SPEN: variants seen among roughly 807,000 people sequenced by gnomAD.
SPEN encodes the protein spen family transcriptional repressor.
SPEN carries 18 observed loss-of-function variants against 269.9 expected under a neutral mutation model. That is an observed-to-expected ratio of 0.07 (90% confidence interval 0.05 to 0.10). The LOEUF is 0.10. Among genes scored for constraint, SPEN ranks in the 10% least tolerant of loss-of-function variants. The probability of loss-of-function intolerance (pLI) is 1.00; values close to 1 mark genes in which losing one functional copy is unlikely to be tolerated. For missense variants in SPEN, 3,822 were observed against 4,631.2 expected, an observed-to-expected ratio of 0.83 and a Z score of 5.07; for synonymous variants, 1,726 against 1,765.7, an observed-to-expected ratio of 0.98 and a Z score of 0.56.
rs2070965040 is a variant in SPEN at position 15,907,168 on chromosome 1, G to T, written c.882-2153G>T. On this transcript the variant is annotated intron_variant, in intron 3 of 14. Transcript: ENST00000375759. Reference sequence around the variant, plus strand: ...CTTTAGTTTTCTATAAGAAAACATAGAACTTATTTAGTTTTAAAAAAATGC... The same window carrying T: ...CTTTAGTTTTCTATAAGAAAACATATAACTTATTTAGTTTTAAAAAAATGC... Among the ~76,000 whole-genome samples the T allele has an allele frequency of 2.0e-5, 3 of 152,042 alleles. No individual in the cohort carries two copies. In the South Asian group the frequency reaches 6.2e-4, roughly 32 times the overall value.
chr1:15,935,515 A>C lies in SPEN; in HGVS notation c.9275A>C (p.His3092Pro). 1 of 1,613,450 alleles carries C rather than the reference A, an allele frequency of 6.2e-7. No homozygotes were observed. Among genetic ancestry groups the C allele is most frequent in the Non-Finnish European group, 8.5e-7 (1 of 1,179,842 alleles). Reference sequence around the variant, plus strand: ...ATCACCCAGACTGTGTCCCTGAGCCACCTCTCCCAGGGCGAGGTGAGAATG... The same window carrying C: ...ATCACCCAGACTGTGTCCCTGAGCCCCCTCTCCCAGGGCGAGGTGAGAATG... ...HSITQTVSLS[H>P]LSQGEVRMNT... Residue 3092 changes from histidine to proline, a missense_variant, in exon 11 of 15, where the codon CAC (histidine) becomes CCC (proline). His to Pro is a moderately conservative substitution (Grantham distance 77). Around this residue, in one of 16 missense-constraint regions of SPEN, gnomAD observed 153 missense variants for 228.5 expected, o/e 0.67. Transcript: ENST00000375759. The surrounding 1 kb of genome is among the most constrained non-coding windows in gnomAD (Gnocchi z 7.7).
chr1:15,883,902 T>A (rs1486368450), intron 3 of SPEN, among the ~76,000 whole-genome samples: 1 of 149,154 alleles, frequency 6.7e-6, no homozygotes, highest in Non-Finnish European at 1.5e-5. Flanking sequence ...CTCCGCCTCC[T>A]GGGTTCACGC....
In SPEN at chr1:15,931,426, C is replaced by T; in HGVS notation, c.5186C>T (p.Pro1729Leu). 6.2e-7 allele frequency: 1 copy of T among 1,614,184 alleles called. No homozygotes were observed. Among genetic ancestry groups the T allele is most frequent in the South Asian group, 1.1e-5 (1 of 91,086 alleles). ...VEEGSSGDQPPYLDAKPPTPG... is the reference protein window; with the variant it reads ...VEEGSSGDQPLYLDAKPPTPG... ...GAAGGTTCATCAGGTGACCAGCCGC[C>T]TTATCTGGATGCCAAGCCTCCAACT... Residue 1729 changes from proline (P) to leucine (L), a missense_variant, in exon 11 of 15, where the codon CCT (proline) becomes CTT (leucine). Around this residue, in one of 16 missense-constraint regions of SPEN, gnomAD observed 533 missense variants for 618.8 expected, o/e 0.86. Coordinates refer to ENST00000375759, the MANE Select transcript of SPEN (RefSeq NM_015001.3). This position sits in a 1 kb window ranked among gnomAD's most constrained non-coding sequence, Gnocchi z 4.8.
chr1:15,925,899 C>T (rs942817700), intron 10 of SPEN, among the ~76,000 whole-genome samples: 1 of 152,110 alleles, frequency 6.6e-6, no homozygotes, highest in East Asian at 1.9e-4. Context: ...AATACATCCT[C>T]AAAGTATGTA....
In SPEN at chr1:15,848,109, C is replaced by T. The variant is rs1297075381; in HGVS notation, c.42C>T (p.Pro14=). ...GGCATCTCTGGGTGGGCAACTTACC[C>T]GAGAACGTGCGGGAAGAGAAGATCA... is the stretch of plus-strand genomic sequence containing the variant. ...ETRHLWVGNL[P]ENVREEKIIE... is the part of the protein sequence containing the mutation. The change falls in exon 1 of 15, where the codon CCC becomes CCT. Residue 14 remains proline, a synonymous_variant. Transcript: ENST00000375759. The surrounding 1 kb of genome is among the most constrained non-coding windows in gnomAD (Gnocchi z 5.1). 1 of 1,496,844 alleles carries T rather than the reference C, an allele frequency of 6.7e-7. No homozygotes were observed. Among genetic ancestry groups the T allele is most frequent in the Admixed American group, 2.0e-5 (1 of 49,154 alleles). The allele number at this position is 1,496,844 out of a possible 1,614,324, so 92.7% of individuals were successfully genotyped here. A position where few individuals can be genotyped will look rare whatever the true frequency, so the allele number is the denominator to read the frequency against.
chr1:15,915,234 A>G (rs1322925317), intron 5 of SPEN, among the ~76,000 whole-genome samples: 1 of 152,112 alleles, frequency 6.6e-6, no homozygotes, highest in East Asian at 1.9e-4. Context: ...AATCAGGCCA[A>G]GTGCAGTGGC....
At chr1:15,908,513 C>T (rs773458987) in intron 3 of SPEN, among the ~76,000 whole-genome samples, 1 of 152,074 alleles carries the variant, frequency 6.6e-6, no homozygotes, top group Non-Finnish European at 1.5e-5. Flanking sequence ...ACGTCTGCCT[C>T]CCAGGTTCAC....
At chr1:15,860,808 G>A (rs535786372) in intron 1 of SPEN, among the ~76,000 whole-genome samples, 8 of 151,716 alleles carry the variant, frequency 5.3e-5, no homozygotes, top group African/African-American at 1.9e-4. Flanking sequence ...CACCATGTTG[G>A]CCAGGATGGT....
chr1:15,874,325 G>A, intron 2 of SPEN: 1 of 1,366,442 alleles, frequency 7.3e-7, no homozygotes, highest in Non-Finnish European at 9.8e-7. Context: ...CCAAAATTGG[G>A]GAAGTTATGT....
rs936290208 is a variant in SPEN, at chr1:15,940,167, T to A, written c.*740T>A. 13 of 228,440 alleles carry A rather than the reference T, an allele frequency of 5.7e-5. No homozygotes were observed. The highest frequency in any genetic ancestry group is 2.4e-4 in the African/African-American group (11 of 44,922). The allele number at this position is 228,440 out of a possible 1,614,324, so 14.2% of individuals were successfully genotyped here. On this transcript the variant is annotated 3_prime_UTR_variant, in exon 15 of 15. Coordinates refer to ENST00000375759, the MANE Select transcript of SPEN (RefSeq NM_015001.3). ...CAAATCCCCCGACATACGTTTTTTT[T>A]AATCTGTGCCAAAAATGTGTTTTCA... is the stretch of plus-strand genomic sequence containing the variant.
Position 15,932,506 on chromosome 1 carries a change from A to C in SPEN, c.6266A>C (p.Lys2089Thr). 6.2e-7 allele frequency: 1 copy of C among 1,604,640 alleles called. No homozygotes were observed. The highest frequency in any genetic ancestry group is 8.5e-7 in the Non-Finnish European group (1 of 1,174,384). ...CGAAACTCCAGGTTAGCAGTGGACA[A>C]ATCTGCAAGTCTGAAAAATGTGGAT... ...RSRNSRLAVD[K>T]SASLKNVDAA... Residue 2089 changes from lysine (K) to threonine (T), a missense_variant, in exon 11 of 15, where the codon AAA (lysine) becomes ACA (threonine). Physicochemically the swap from Lys to Thr is moderately conservative, Grantham distance 78 (BLOSUM62 -1). Around this residue, in one of 16 missense-constraint regions of SPEN, gnomAD observed 727 missense variants for 737.9 expected, o/e 0.99. Transcript: ENST00000375759. The surrounding 1 kb of genome is among the most constrained non-coding windows in gnomAD (Gnocchi z 4.2).
At position 15,872,318 on chromosome 1, in the gene SPEN, C is replaced by T. The variant is rs147381649; in HGVS notation, c.84-498C>T. Among the ~76,000 whole-genome samples the T allele has an allele frequency of 1.7e-3, 246 of 147,374 alleles. 1 individual carries two copies. The highest frequency in any genetic ancestry group is 4.4e-3 in the African/African-American group (176 of 39,830). ...TATTATATTTAAGGAATGGGCCGGG[C>T]GCGGTGGCTCATGCCTGTAATCCCA... On this transcript the variant is annotated intron_variant, in intron 1 of 14. Coordinates refer to ENST00000375759, the MANE Select transcript of SPEN (RefSeq NM_015001.3).
At chr1:15,871,597 A>G (rs930062669) in intron 1 of SPEN, among the ~76,000 whole-genome samples, 3 of 152,182 alleles carry the variant, frequency 2.0e-5, no homozygotes, top group African/African-American at 7.2e-5. Context: ...CCCAGCCTGT[A>G]TAAATAATTT....
At position 15,929,533 on chromosome 1, in the gene SPEN, A is replaced by G; in HGVS notation, c.3293A>G (p.Asn1098Ser). 1 of 1,613,852 alleles carries G rather than the reference A, an allele frequency of 6.2e-7. No homozygotes were observed. Among genetic ancestry groups the G allele is most frequent in the Non-Finnish European group, 8.5e-7 (1 of 1,179,932 alleles). The change falls in exon 11 of 15, where the codon AAT (asparagine) becomes AGT (serine). Residue 1098 changes from asparagine (N) to serine (S), a missense_variant. Around this residue, in one of 16 missense-constraint regions of SPEN, gnomAD observed 572 missense variants for 582.6 expected, o/e 0.98. Coordinates refer to ENST00000375759, the MANE Select transcript of SPEN (RefSeq NM_015001.3). This position sits in a 1 kb window ranked among gnomAD's most constrained non-coding sequence, Gnocchi z 5.8. ...GAACTAGCAGGTGAATCTGTGGAAAATCAAGAAGTCCAATCAAAAAAGCCC... is the reference window on the plus strand; with the variant it reads ...GAACTAGCAGGTGAATCTGTGGAAAGTCAAGAAGTCCAATCAAAAAAGCCC... ...LGELAGESVE[N>S]QEVQSKKPIP...
At chr1:15,916,713 A>G (rs145752588) in intron 6 of SPEN, among the ~76,000 whole-genome samples, 260 of 152,116 alleles carry the variant, frequency 1.7e-3, no homozygotes, top group African/African-American at 6.0e-3. Context: ...GTGTTTTGCC[A>G]TGTTGCCCAG....
At chr1:15,858,166 C>T (rs978859089) in intron 1 of SPEN, among the ~76,000 whole-genome samples, 15 of 151,596 alleles carry the variant, frequency 9.9e-5, no homozygotes, top group Admixed American at 4.0e-4. Flanking sequence ...GTTGCCTAGG[C>T]TGGTCTTGAA....
chr1:15,878,144 A>G (rs2070650891), intron 3 of SPEN, among the ~76,000 whole-genome samples: 1 of 151,674 alleles, frequency 6.6e-6, no homozygotes, highest in African/African-American at 2.4e-5. Flanking sequence ...GTATATGTTA[A>G]AAAAAATGCT....
intron 1 of SPEN, among the ~76,000 whole-genome samples, chr1:15,854,160 C>T (rs550127793): frequency 6.6e-6 from 1 of 152,150 alleles, no homozygotes; most frequent in Admixed American, 6.6e-5. Flanking sequence ...TAACCATCCA[C>T]AGTATTTAGA....
intron 3 of SPEN, among the ~76,000 whole-genome samples, chr1:15,907,943 G>A (rs1287338432): frequency 6.6e-6 from 1 of 151,902 alleles, no homozygotes; most frequent in Admixed American, 6.6e-5. Flanking sequence ...TTTCCTTCTT[G>A]TCCTTCAGTT....
Sources: allele counts gnomAD v4.1 joint callset (sites outside exome capture counted in the v4.1 genomes callset), GRCh38; gene constraint gnomAD v4.1.1; regional missense constraint gnomAD v4.1.1; non-coding constraint Gnocchi (gnomAD v3.1); transcripts MANE v1.5; gene names NCBI Gene and HGNC (gene_info 2026-07-23, HGNC 2026-07-21).